The following KHDRBS2 variants were observed in gnomAD, a reference collection of about 807,000 sequenced individuals.
KHDRBS2 encodes KH domain-containing, RNA-binding, signal transduction-associated protein 2.
A neutral mutation model predicts 44.3 loss-of-function variants in KHDRBS2; 26 were observed. The observed-to-expected ratio is 0.59, with a 90% CI of 0.43 to 0.81. The LOEUF is 0.81. KHDRBS2 is among the 40% of genes least tolerant of loss of function. The pLI is 0.00. For missense variants in KHDRBS2, 476 were observed against 433.1 expected (o/e 1.10, Z -0.88); for synonymous variants, 194 against 151.1 (o/e 1.28, Z -2.08).
At chr6:62,108,390 C>A (rs139284662) in intron 2 of KHDRBS2, among the ~76,000 whole-genome samples, 1 of 152,162 alleles carries the variant, frequency 6.6e-6, no homozygotes. Flanking sequence ...ATCAAAACCA[C>A]AATGAAATAC....
chr6:61,801,553 C>T (rs1004709608), intron 6 of KHDRBS2, among the ~76,000 whole-genome samples: 2 of 152,126 alleles, frequency 1.3e-5, no homozygotes, highest in African/African-American at 4.8e-5. Flanking sequence ...ATGAATAGCT[C>T]ATTTGTCTTA....
intron 3 of KHDRBS2, among the ~76,000 whole-genome samples, chr6:62,003,483 T>A: frequency 6.6e-6 from 1 of 152,186 alleles, no homozygotes; most frequent in East Asian, 1.9e-4. Context: ...TAAATATGTA[T>A]GCTCCCAATA....
intron 2 of KHDRBS2, among the ~76,000 whole-genome samples, chr6:62,097,533 T>G (rs1268350137): frequency 6.6e-6 from 1 of 152,094 alleles, no homozygotes; most frequent in African/African-American, 2.4e-5. Context: ...TTATCTAATA[T>G]AAGCATAGCT....
chr6:62,075,340 A>G (rs1439791767), intron 2 of KHDRBS2, among the ~76,000 whole-genome samples: 1 of 151,942 alleles, frequency 6.6e-6, no homozygotes, highest in African/African-American at 2.4e-5. Flanking sequence ...AGAGCAAGCT[A>G]GACAAAGAAT....
rs572410639 is a variant in KHDRBS2, at chr6:62,048,672, A to T, written c.220-678T>A. Among the ~76,000 whole-genome samples, 3 of 152,078 alleles carry T rather than the reference A, an allele frequency of 2.0e-5. No homozygotes were observed. In the East Asian group the frequency reaches 5.8e-4, roughly 30 times the overall value. On this transcript the variant is annotated intron_variant, in intron 2 of 8. Transcript: ENST00000281156. Reference sequence around the variant, plus strand: ...TACAAAACACTTTGTCGAAATAAAAAATTCTGGGGTTCCACATAATTTGCT... The same window carrying T: ...TACAAAACACTTTGTCGAAATAAAATATTCTGGGGTTCCACATAATTTGCT...
chr6:61,979,677 G>A (rs1395263651), intron 3 of KHDRBS2, among the ~76,000 whole-genome samples: 1 of 152,050 alleles, frequency 6.6e-6, no homozygotes, highest in African/African-American at 2.4e-5. Context: ...ACTCTACCTA[G>A]GACTTTTCAA....
rs541485458 is a variant in KHDRBS2, at chr6:62,169,782, T to G, written c.219+7403A>C. Among the ~76,000 whole-genome samples the G allele has an allele frequency of 3.3e-5, 5 of 152,052 alleles. No individual in the cohort carries two copies. The South Asian group carries it at 8.3e-4, about 25-fold the overall frequency. On this transcript the variant is annotated intron_variant, in intron 2 of 8. Transcript: ENST00000281156. Reference sequence around the variant, plus strand: ...TACCAGTAGTTTTGGCAAAGGTAAGTCTCAAGTCCACAGAGGCCTCTGAAG... The same window carrying G: ...TACCAGTAGTTTTGGCAAAGGTAAGGCTCAAGTCCACAGAGGCCTCTGAAG...
intron 2 of KHDRBS2, among the ~76,000 whole-genome samples, chr6:62,086,966 T>C (rs1419213327): frequency 2.8e-5 from 4 of 145,342 alleles, no homozygotes; most frequent in Non-Finnish European, 4.5e-5. Context: ...GGAAAAGATA[T>C]AGGTGAGAAA....
intron 3 of KHDRBS2, among the ~76,000 whole-genome samples, chr6:62,001,097 G>C (rs866547525): frequency 3.3e-5 from 5 of 152,168 alleles, no homozygotes; most frequent in African/African-American, 9.7e-5. Flanking sequence ...TATTGGAATA[G>C]CTTCTTACGT....
the KHDRBS2 span, chr6:61,574,308 T>A: frequency 6.6e-7 from 1 of 1,519,726 alleles, no homozygotes; most frequent in East Asian, 2.5e-5. Flanking sequence ...CACTTGTTCC[T>A]TAAATAGGGA....
At chr6:61,943,275 AAAAC>A (rs1332466120) in intron 4 of KHDRBS2, among the ~76,000 whole-genome samples, 3 of 152,122 alleles carry the variant, frequency 2.0e-5, no homozygotes, top group Admixed American at 6.5e-5. Context: ...CACCTGGAGG[AAAAC>A]AAACAATGTT....
chr6:61,647,019 A>G, the KHDRBS2 span, among the ~76,000 whole-genome samples: 1 of 151,998 alleles, frequency 6.6e-6, no homozygotes, highest in Non-Finnish European at 1.5e-5. Flanking sequence ...GGGTTTCACC[A>G]TATTGGCCAG....
chr6:61,911,713 C>T (rs1209366276), intron 4 of KHDRBS2, among the ~76,000 whole-genome samples: 2 of 151,790 alleles, frequency 1.3e-5, no homozygotes, highest in African/African-American at 4.8e-5. Context: ...TATTTTTCCC[C>T]AAATTAAAAT....
At chr6:62,218,709 G>A (rs1830415871) in intron 1 of KHDRBS2, among the ~76,000 whole-genome samples, 1 of 151,822 alleles carries the variant, frequency 6.6e-6, no homozygotes. Context: ...ATCAAAATAA[G>A]TATCTTCACT....
intron 3 of KHDRBS2, among the ~76,000 whole-genome samples, chr6:62,027,500 C>T (rs1329305782): frequency 6.6e-6 from 1 of 151,996 alleles, no homozygotes; most frequent in Non-Finnish European, 1.5e-5. Context: ...TTTCTTCACA[C>T]CTGAGTTTAT....
the KHDRBS2 span, among the ~76,000 whole-genome samples, chr6:61,671,462 C>A: frequency 1.3e-5 from 2 of 151,590 alleles, no homozygotes; most frequent in Non-Finnish European, 3.0e-5. Context: ...TTTCTCAATT[C>A]CTCTCATAAT....
At chr6:61,543,493 T>C in the KHDRBS2 span, among the ~76,000 whole-genome samples, 1 of 151,902 alleles carries the variant, frequency 6.6e-6, no homozygotes, top group African/African-American at 2.4e-5. Context: ...ATACACTAAT[T>C]GACTAAATAT....
At chr6:62,135,032 T>C (rs566211190) in intron 2 of KHDRBS2, among the ~76,000 whole-genome samples, 11 of 152,190 alleles carry the variant, frequency 7.2e-5, no homozygotes, top group African/African-American at 2.4e-4. Context: ...GAAGGCATGA[T>C]TGATTTTGGA....
chr6:62,124,030 C>G (rs1051004449), intron 2 of KHDRBS2, among the ~76,000 whole-genome samples: 9 of 152,188 alleles, frequency 5.9e-5, no homozygotes, highest in African/African-American at 2.2e-4. Context: ...GTTTAAACTG[C>G]TTTGGCAAAG....
Sources: gnomAD v4.1 joint callset for allele counts (sites outside exome capture counted in the v4.1 genomes callset) on GRCh38, gnomAD v4.1.1 for gene constraint, MANE v1.5 for transcripts, NCBI Gene and HGNC (gene_info 2026-07-23, HGNC 2026-07-21) for gene names.